LMBRD2: variants seen among roughly 807,000 people sequenced by gnomAD.
LMBRD2 encodes LMBR1 domain containing 2.
Under a neutral mutation model 94.4 loss-of-function variants are expected in LMBRD2, and 55 were observed. The observed-to-expected ratio is 0.58, with a 90% CI of 0.47 to 0.73. The LOEUF (loss-of-function observed/expected upper bound fraction) is 0.73, where lower values mean the gene tolerates loss of function less well. Ranked by LOEUF, LMBRD2 falls within the 30% of genes least tolerant of loss-of-function variation. LMBRD2 has a pLI of 0.00. For synonymous variants in LMBRD2, 246 were observed against 272.4 expected (o/e 0.90, Z 0.95); for missense variants, 640 against 831.9 (o/e 0.77, Z 2.84).
At chr5:36,110,117 G>T (rs1434867921) in intron 14 of LMBRD2, 126 bp from the exon 15 acceptor site, 3 of 686,080 alleles carry the variant, frequency 4.4e-6, no homozygotes, top group East Asian at 5.4e-5. Context: ...AAATGTTATA[G>T]GTTATTGCTG....
At chr5:36,132,140 A>C (rs1187049452) in intron 6 of LMBRD2, among the ~76,000 whole-genome samples, 1 of 152,098 alleles carries the variant, frequency 6.6e-6, no homozygotes, top group East Asian at 1.9e-4. Context: ...AGAGAACTCC[A>C]AAATAAATCC....
Position 36,103,900 on chromosome 5 carries a change from C to A in LMBRD2, c.*146G>T. ...TTCAATGCACATTAAACTATTATTCCTAAGATATAATTAATTCTCAGTGCC... is the reference window on the plus strand; with the variant it reads ...TTCAATGCACATTAAACTATTATTCATAAGATATAATTAATTCTCAGTGCC... On this transcript the variant is annotated 3_prime_UTR_variant, in exon 18 of 18. Transcript: ENST00000296603. 1.7e-6 allele frequency: 1 copy of A among 574,822 alleles called. No homozygotes were observed. The allele number at this position is 574,822 out of a possible 1,614,324, so 35.6% of individuals were successfully genotyped here.
At position 36,111,202 on chromosome 5, in the gene LMBRD2, T is replaced by G; in HGVS notation, c.1697A>C (p.Asp566Ala). The G allele has an allele frequency of 6.2e-7, 1 of 1,611,902 alleles. No individual in the cohort carries two copies. The highest frequency in any genetic ancestry group is 1.7e-5 in the Admixed American group (1 of 59,838). ...LGFQQFMGDDDMTSDLVNEGK... is the reference protein window; with the variant it reads ...LGFQQFMGDDAMTSDLVNEGK... ...TTCATTAACTAAGTCTGATGTCATA[T>G]CATCATCTCCCATAAACTGCTGGAA... Residue 566 changes from aspartate to alanine, a missense_variant, in exon 14 of 18, where the codon GAT becomes GCT. Asp to Ala is a moderately radical substitution (Grantham distance 126). Transcript: ENST00000296603.
At chr5:36,127,842 G>T (rs1744041412) in intron 6 of LMBRD2, among the ~76,000 whole-genome samples, 1 of 152,232 alleles carries the variant, frequency 6.6e-6, no homozygotes, top group South Asian at 2.1e-4. Context: ...ACTCTGAAGG[G>T]AAGAACAAAA....
rs545292845 is a variant in LMBRD2, at chr5:36,102,297, T to C, written c.*1749A>G. ...TAGATCAGCAGGTAAATAGCAAGTA[T>C]CATCTTCATTCTGCAAATGAAAGTG... On this transcript the variant is annotated 3_prime_UTR_variant, in exon 18 of 18. Transcript: ENST00000296603. The C allele has an allele frequency of 6.6e-6, 1 of 151,966 alleles. No homozygotes were observed. Among genetic ancestry groups the C allele is most frequent in the Admixed American group, 6.6e-5 (1 of 15,226 alleles). 9.4% of individuals were successfully genotyped at this position (151,966 alleles called of 1,614,324 possible). A position where few individuals can be genotyped will look rare whatever the true frequency, so the allele number is the denominator to read the frequency against.
intron 16 of LMBRD2, among the ~76,000 whole-genome samples, chr5:36,106,113 T>G (rs1743460694): frequency 6.6e-6 from 1 of 152,174 alleles, no homozygotes; most frequent in African/African-American, 2.4e-5. Context: ...CCTATGACTT[T>G]GTGACTCCTC....
intron 8 of LMBRD2, among the ~76,000 whole-genome samples, 157 bp from the exon 9 acceptor site, chr5:36,122,620 A>G (rs552796993): frequency 6.6e-5 from 10 of 152,304 alleles, no homozygotes; most frequent in Admixed American, 4.6e-4. Flanking sequence ...ATGATGTAAC[A>G]GTTTTATATA....
At position 36,111,247 on chromosome 5, in the gene LMBRD2, C is replaced by A. The variant is rs750098504; in HGVS notation, c.1652G>T (p.Arg551Leu). The A allele has an allele frequency of 1.2e-6, 2 of 1,609,790 alleles. No homozygotes were observed. The highest frequency in any genetic ancestry group is 1.7e-6 in the Non-Finnish European group (2 of 1,177,040). ...CTGGAAACCGAGCAGATTCAAACAA[C>A]GGGTTCCCAAACTAATAAAAGCAGA... ...CIATYFSLGT[R>L]CLNLLGFQQF... The change falls in exon 14 of 18, where the codon CGT becomes CTT. Residue 551 changes from arginine to leucine, a missense_variant. Coordinates refer to ENST00000296603, the MANE Select transcript of LMBRD2 (RefSeq NM_001007527.2).
chr5:36,116,638 C>G, intron 10 of LMBRD2, 45 bp from the exon 11 acceptor site: 1 of 1,576,660 alleles, frequency 6.3e-7, no homozygotes, highest in Non-Finnish European at 8.7e-7. Context: ...AACAAACAGA[C>G]TTTAGCACTT....
At position 36,129,546 on chromosome 5, in the gene LMBRD2, G is replaced by A. The variant is rs920557185; in HGVS notation, c.748-5281C>T. Among the ~76,000 whole-genome samples, 15 of 151,950 alleles carry A rather than the reference G, an allele frequency of 9.9e-5. 1 individual carries two copies. Among genetic ancestry groups the A allele is most frequent in the Admixed American group, 9.8e-4 (15 of 15,280 alleles). ...CTTCAAACATGAAAGAGAAATAAAC[G>A]TTTCCAGACAAACAAAAGCTGAGAG... is the stretch of plus-strand genomic sequence containing the variant. On this transcript the variant is annotated intron_variant, in intron 6 of 17. Transcript: ENST00000296603.
chr5:36,143,989 C>A (rs1744478815), intron 1 of LMBRD2, among the ~76,000 whole-genome samples: 1 of 151,918 alleles, frequency 6.6e-6, no homozygotes. Context: ...CACTGCTTTA[C>A]AAAATATATT....
At chr5:36,117,430 G>C (rs1743783968) in intron 10 of LMBRD2, among the ~76,000 whole-genome samples, 1 of 151,912 alleles carries the variant, frequency 6.6e-6, no homozygotes, top group African/African-American at 2.4e-5. Context: ...GCTGCAGTGA[G>C]CCATGTTCAT....
At chr5:36,123,019 A>G in intron 7 of LMBRD2, 58 bp from the exon 8 acceptor site, 1 of 1,373,996 alleles carries the variant, frequency 7.3e-7, no homozygotes, top group South Asian at 1.7e-5. Flanking sequence ...ATAAAAATTT[A>G]TTTTTATTAA....
chr5:36,141,048 A>G, intron 4 of LMBRD2, 59 bp downstream of exon 4: 1 of 899,536 alleles, frequency 1.1e-6, no homozygotes, highest in Non-Finnish European at 1.8e-6. Context: ...ATATTGATTG[A>G]AAAACATTTT....
intron 1 of LMBRD2, among the ~76,000 whole-genome samples, chr5:36,143,741 T>C (rs897767120): frequency 1.1e-4 from 16 of 152,056 alleles, no homozygotes; most frequent in African/African-American, 3.9e-4. Context: ...TTCTTAATAT[T>C]ATAAGTCCTA....
chr5:36,146,941 A>AGTGTGTGTGTGTGT (rs371000455), intron 1 of LMBRD2, among the ~76,000 whole-genome samples: 8 of 139,356 alleles, frequency 5.7e-5, no homozygotes, highest in Admixed American at 1.4e-4. Flanking sequence ...TGTGTGTGTG[A>AGTGTGTGTGTGTGT]GTGTGTGTGT....
chr5:36,114,628 C>CT, intron 12 of LMBRD2, 107 bp from the exon 13 acceptor site: 1 of 1,275,686 alleles, frequency 7.8e-7, no homozygotes. Flanking sequence ...TCCATTTGAA[C>CT]TTTTTAAAAA....
chr5:36,129,798 A>G (rs186129291), intron 6 of LMBRD2, among the ~76,000 whole-genome samples: 357 of 152,336 alleles, frequency 2.3e-3, no homozygotes, highest in African/African-American at 8.1e-3. Flanking sequence ...AATGTCCAAC[A>G]ATGATTGACT....
Position 36,099,705 on chromosome 5 carries a change from A to G in LMBRD2, c.*4341T>C, listed in dbSNP as rs1743307984. The G allele has an allele frequency of 6.6e-6, 1 of 152,194 alleles. No individual in the cohort carries two copies. Among genetic ancestry groups the G allele is most frequent in the African/African-American group, 2.4e-5 (1 of 41,458 alleles). The allele number at this position is 152,194 out of a possible 1,614,324, so 9.4% of individuals were successfully genotyped here. On this transcript the variant is annotated 3_prime_UTR_variant, in exon 18 of 18. Coordinates refer to ENST00000296603, the MANE Select transcript of LMBRD2 (RefSeq NM_001007527.2). Reference sequence around the variant, plus strand: ...TCTTTCACAAAATAATCTGAGATCAAGATAACCAAAAAAGGAAATATTTTC... The same window carrying G: ...TCTTTCACAAAATAATCTGAGATCAGGATAACCAAAAAAGGAAATATTTTC...
Sources: allele counts gnomAD v4.1 joint callset (sites outside exome capture counted in the v4.1 genomes callset), GRCh38; gene constraint gnomAD v4.1.1; transcripts MANE v1.5; gene names NCBI Gene and HGNC (gene_info 2026-07-23, HGNC 2026-07-21).